FOXP1: variants seen among roughly 807,000 people sequenced by gnomAD.
The protein encoded by FOXP1 is forkhead box protein P1.
A neutral mutation model predicts 98.2 loss-of-function variants in FOXP1; 15 were observed. The observed-to-expected ratio is 0.15, with a 90% CI of 0.10 to 0.24. The LOEUF is 0.24. Ranked by LOEUF, FOXP1 falls within the 10% of genes least tolerant of loss-of-function variation. The pLI is 1.00. For missense variants in FOXP1, 633 were observed against 848.5 expected (o/e 0.75, Z 3.15); for synonymous variants, 371 against 314.5 (o/e 1.18, Z -1.90).
At chr3:71,322,253 G>C (rs1260477740) in intron 4 of FOXP1, among the ~76,000 whole-genome samples, 1 of 152,180 alleles carries the variant, frequency 6.6e-6, no homozygotes, top group Non-Finnish European at 1.5e-5. Context: ...AAAAACAGTA[G>C]TCATTAGCCA....
intron 6 of FOXP1, among the ~76,000 whole-genome samples, chr3:71,144,085 G>A (rs2060195207): frequency 6.6e-6 from 1 of 152,094 alleles, no homozygotes; most frequent in South Asian, 2.1e-4. Flanking sequence ...TTGGCTTACT[G>A]CTTTTTAAGA....
chr3:71,502,618 G>C (rs1220195290), intron 2 of FOXP1, among the ~76,000 whole-genome samples: 1 of 152,104 alleles, frequency 6.6e-6, no homozygotes, highest in African/African-American at 2.4e-5. Flanking sequence ...CTTGAACTGG[G>C]TTGCCGGTAA....
chr3:71,169,606 C>T (rs1008809818), intron 6 of FOXP1, among the ~76,000 whole-genome samples: 1 of 151,582 alleles, frequency 6.6e-6, no homozygotes, highest in Non-Finnish European at 1.5e-5. Flanking sequence ...TCCTTCCTCC[C>T]CCACCGCCCC....
intron 6 of FOXP1, among the ~76,000 whole-genome samples, chr3:71,138,381 T>C (rs2059918831): frequency 6.6e-6 from 1 of 152,158 alleles, no homozygotes; most frequent in African/African-American, 2.4e-5. Flanking sequence ...GCATGTAACC[T>C]TTGTATTCAC....
intron 4 of FOXP1, among the ~76,000 whole-genome samples, chr3:71,353,340 G>A (rs1393012715): frequency 6.6e-6 from 1 of 152,124 alleles, no homozygotes; most frequent in East Asian, 1.9e-4. Flanking sequence ...CATATTACAC[G>A]GATCTGTTTC....
At chr3:71,583,461 C>T (rs1043505534) in intron 1 of FOXP1, 110 bp downstream of exon 1, 11 of 923,178 alleles carry the variant, frequency 1.2e-5, no homozygotes, top group Admixed American at 6.5e-5. Context: ...CTTTTTCTTT[C>T]TTTCTTTTTT....
chr3:71,120,411 T>C (rs1030810373), intron 6 of FOXP1, among the ~76,000 whole-genome samples: 3 of 152,260 alleles, frequency 2.0e-5, no homozygotes. Context: ...AATTGTCCTA[T>C]GCTTACAGAG....
At chr3:71,354,273 G>A (rs558501013) in intron 4 of FOXP1, among the ~76,000 whole-genome samples, 77 of 145,946 alleles carry the variant, frequency 5.3e-4, no homozygotes, top group African/African-American at 1.7e-3. Flanking sequence ...GCGAGACTCC[G>A]TCTCCAGAAA....
At chr3:71,268,191 C>T (rs1211738565) in intron 5 of FOXP1, among the ~76,000 whole-genome samples, 3 of 148,920 alleles carry the variant, frequency 2.0e-5, no homozygotes, top group Non-Finnish European at 3.0e-5. Flanking sequence ...CCCGGGTTCA[C>T]GCCATTCTCC....
At chr3:71,165,411 T>A (rs2061354151) in intron 6 of FOXP1, among the ~76,000 whole-genome samples, 2 of 152,334 alleles carry the variant, frequency 1.3e-5, no homozygotes, top group South Asian at 4.1e-4. Flanking sequence ...GCATTTTTAA[T>A]CATTTCGAAT....
At position 71,463,965 on chromosome 3, in the gene FOXP1, T is replaced by C. The variant is rs146966490; in HGVS notation, c.-168+29461A>G. The stretch of plus-strand genomic sequence containing the variant: ...AAAGGCTGAGTGTCCAGTTTACCAA[T>C]CTGTAAATGAGGTACACTAATTAAG... On this transcript the variant is annotated intron_variant, in intron 3 of 20. Transcript: ENST00000649528. 7.8e-3 allele frequency among the ~76,000 whole-genome samples: 1,181 copies of C among 152,254 alleles called. 19 individuals carry two copies. The highest frequency in any genetic ancestry group is 0.026 in the African/African-American group (1,083 of 41,544).
chr3:71,463,618 G>A (rs546423538), intron 3 of FOXP1, among the ~76,000 whole-genome samples: 18 of 152,218 alleles, frequency 1.2e-4, no homozygotes, highest in Non-Finnish European at 2.2e-4. Context: ...TCTACCTCAC[G>A]GGGTGTTGTA....
chr3:71,089,183 CTG>C (rs1461377908), intron 7 of FOXP1, among the ~76,000 whole-genome samples: 1 of 152,214 alleles, frequency 6.6e-6, no homozygotes, highest in Non-Finnish European at 1.5e-5. Flanking sequence ...GGGCCGGTCT[CTG>C]TGACCAATAA....
chr3:71,568,021 A>G (rs995249346), intron 2 of FOXP1: 1 of 122,194 alleles, frequency 8.2e-6, no homozygotes, highest in South Asian at 3.4e-4. Context: ...GGAAGGAAGG[A>G]AGGAAAGGAG....
chr3:71,484,307 A>G (rs2106899862), intron 3 of FOXP1, among the ~76,000 whole-genome samples: 1 of 152,310 alleles, frequency 6.6e-6, no homozygotes, highest in Non-Finnish European at 1.5e-5. Context: ...ATACACTTTG[A>G]TGACAGAATT....
intron 17 of FOXP1, among the ~76,000 whole-genome samples, chr3:70,975,604 T>C (rs1330999142): frequency 1.3e-5 from 2 of 152,254 alleles, no homozygotes; most frequent in Non-Finnish European, 2.9e-5. Flanking sequence ...GAAGTTTTCC[T>C]TGTGTCCTAT....
chr3:71,576,801 T>G (rs1373174113), intron 2 of FOXP1, among the ~76,000 whole-genome samples: 2 of 152,184 alleles, frequency 1.3e-5, no homozygotes, highest in African/African-American at 2.4e-5. Flanking sequence ...GGGAGGGTCA[T>G]GAGGAAACAC....
intron 7 of FOXP1, among the ~76,000 whole-genome samples, chr3:71,057,453 C>T (rs1248873074): frequency 1.4e-5 from 2 of 139,964 alleles, no homozygotes; most frequent in Admixed American, 7.3e-5. Flanking sequence ...TCTCAAAAGA[C>T]GATTTAAATA....
chr3:71,396,962 A>ACACATATATATG (rs1560424335), intron 3 of FOXP1, among the ~76,000 whole-genome samples: 2 of 24,746 alleles, frequency 8.1e-5, no homozygotes, highest in Non-Finnish European at 2.2e-4. Flanking sequence ...ATATATATAT[A>ACACATATATATG]TGTGTGTATA....
Sources: allele counts gnomAD v4.1 joint callset (sites outside exome capture counted in the v4.1 genomes callset), GRCh38; gene constraint gnomAD v4.1.1; transcripts MANE v1.5; gene names NCBI Gene and HGNC (gene_info 2026-07-23, HGNC 2026-07-21).